Variants in DNER observed in about 807,000 individuals in gnomAD.
The protein encoded by DNER is delta/notch like EGF repeat containing.
A neutral mutation model predicts 78.2 loss-of-function variants in DNER; 33 were observed. The ratio of observed to expected loss-of-function variants is 0.42; its 90% CI spans 0.32 to 0.56. The LOEUF (loss-of-function observed/expected upper bound fraction) is 0.56, where lower values mean the gene tolerates loss of function less well. Ranked by LOEUF, DNER falls within the 20% of genes least tolerant of loss-of-function variation. The pLI is 0.11. For missense variants in DNER, 918 were observed against 975.3 expected, an observed-to-expected ratio of 0.94 and a Z score of 0.78; for synonymous variants, 417 against 384.8, an observed-to-expected ratio of 1.08 and a Z score of -0.98.
intron 7 of DNER, among the ~76,000 whole-genome samples, chr2:229,459,958 C>G (rs1003959810): frequency 2.0e-5 from 3 of 151,666 alleles, no homozygotes; most frequent in Admixed American, 2.0e-4. Flanking sequence ...AAGATCGAGA[C>G]CATCCTGTCT....
rs139205218 is a variant in DNER at position 229,362,860 on chromosome 2, A to G, written c.2102+4013T>C. Among the ~76,000 whole-genome samples the G allele has an allele frequency of 1.9e-3, 284 of 152,348 alleles. 1 individual carries two copies. The highest frequency in any genetic ancestry group is 6.6e-3 in the African/African-American group (273 of 41,572). ...ACAAAAGATACTGTAACCAGTTATA[A>G]GGCAGGTCAAAGAGCCGCTAGTTCA... is the stretch of plus-strand genomic sequence containing the variant. On this transcript the variant is annotated intron_variant, in intron 12 of 12. Coordinates refer to ENST00000341772, the MANE Select transcript of DNER (RefSeq NM_139072.4).
intron 12 of DNER, among the ~76,000 whole-genome samples, chr2:229,364,092 T>C (rs553519956): frequency 1.7e-4 from 26 of 150,318 alleles, no homozygotes; most frequent in African/African-American, 4.2e-4. Context: ...CTCTATCTCT[T>C]GACCTCATTA....
At chr2:229,567,787 C>T (rs1374816581) in intron 4 of DNER, among the ~76,000 whole-genome samples, 1 of 152,212 alleles carries the variant, frequency 6.6e-6, no homozygotes. Flanking sequence ...AAATTAAATT[C>T]TGTAATTCAA....
chr2:229,588,818 A>G (rs1036951580), intron 2 of DNER, among the ~76,000 whole-genome samples: 3 of 152,210 alleles, frequency 2.0e-5, no homozygotes, highest in African/African-American at 7.2e-5. Flanking sequence ...TGACCCCTGC[A>G]CTATGCTTAA....
intron 10 of DNER, among the ~76,000 whole-genome samples, chr2:229,395,067 G>C (rs1693104091): frequency 6.6e-6 from 1 of 152,138 alleles, no homozygotes; most frequent in African/African-American, 2.4e-5. Flanking sequence ...AGAGTTATAA[G>C]CAGACAGATT....
At position 229,592,668 on chromosome 2, in the gene DNER, G is replaced by A. The variant is rs937541212; in HGVS notation, c.277-780C>T. Among the ~76,000 whole-genome samples the A allele has an allele frequency of 5.3e-5, 8 of 151,956 alleles. No homozygotes were observed. The East Asian group carries it at 7.7e-4, about 15-fold the overall frequency. On this transcript the variant is annotated intron_variant, in intron 1 of 12. Transcript: ENST00000341772. ...TCTGTTGACCTCTGAATGGCCATGT[G>A]TTGGTAGTTGCAGACACGCTACAAA...
intron 3 of DNER, chr2:229,586,551 CA>C (rs1369534680): frequency 0.044 from 6,413 of 144,356 alleles, 839 homozygotes; most frequent in African/African-American, 0.18. Flanking sequence ...AAAAAAAAAA[CA>C]CACAAAACCA....
chr2:229,413,315 C>CTTT (rs1369457136), intron 9 of DNER, among the ~76,000 whole-genome samples: 14 of 19,586 alleles, frequency 7.1e-4, no homozygotes, highest in Admixed American at 1.9e-3. Flanking sequence ...TTTTCTTTTT[C>CTTT]TTCTTCTTTT....
chr2:229,584,939 A>C (rs1418136104), intron 4 of DNER, among the ~76,000 whole-genome samples: 1 of 151,878 alleles, frequency 6.6e-6, no homozygotes, highest in Admixed American at 6.6e-5. Flanking sequence ...GAAAACAGTT[A>C]ATTGGACACG....
chr2:229,362,703 G>A (rs953379057), intron 12 of DNER, among the ~76,000 whole-genome samples: 12 of 152,144 alleles, frequency 7.9e-5, no homozygotes, highest in African/African-American at 1.9e-4. Flanking sequence ...TCTGGCCCAC[G>A]GGAAGCTTTC....
At chr2:229,432,034 AT>A (rs1478004860) in intron 8 of DNER, among the ~76,000 whole-genome samples, 1 of 152,200 alleles carries the variant, frequency 6.6e-6, no homozygotes, top group Non-Finnish European at 1.5e-5. Context: ...TATTTAAAAT[AT>A]TTTTAATGCA....
intron 1 of DNER, among the ~76,000 whole-genome samples, chr2:229,639,908 T>G (rs1240524868): frequency 6.6e-6 from 1 of 152,178 alleles, no homozygotes; most frequent in African/African-American, 2.4e-5. Context: ...TAACCCAGAA[T>G]GCAAGCTCTG....
intron 1 of DNER, among the ~76,000 whole-genome samples, chr2:229,615,140 G>A (rs1269935949): frequency 6.6e-6 from 1 of 152,178 alleles, no homozygotes; most frequent in African/African-American, 2.4e-5. Context: ...GGCCGGGCGT[G>A]GTGGCTCATA....
chr2:229,628,409 T>TAAG (rs1698381028), intron 1 of DNER, among the ~76,000 whole-genome samples: 1 of 152,166 alleles, frequency 6.6e-6, no homozygotes, highest in African/African-American at 2.4e-5. Flanking sequence ...TTCAGACAAC[T>TAAG]AAGTTTTGGG....
intron 1 of DNER, among the ~76,000 whole-genome samples, chr2:229,614,516 C>A (rs888683074): frequency 6.6e-6 from 1 of 152,200 alleles, no homozygotes; most frequent in Non-Finnish European, 1.5e-5. Context: ...TCCTTCCCAC[C>A]CTGTTTCTGG....
intron 1 of DNER, among the ~76,000 whole-genome samples, chr2:229,617,903 C>T (rs1698193674): frequency 6.6e-6 from 1 of 152,188 alleles, no homozygotes; most frequent in Non-Finnish European, 1.5e-5. Flanking sequence ...AGTGAGCCAA[C>T]ATCATGTCAC....
chr2:229,388,275 G>T lies in DNER; in HGVS notation c.1845C>A (p.Asn615Lys), dbSNP rs765734328. Residue 615 changes from asparagine (N) to lysine (K), a missense_variant, in exon 11 of 13, where the codon AAC becomes AAA. Transcript: ENST00000341772. ...TGCAGAAATACTTACGGATCTCACA[G>T]TTTGCTCCCACCCAACCATGCGGGC... The part of the protein sequence containing the change: ...CHCPHGWVGA[N>K]CEIHLQWKSG... 6.2e-7 allele frequency: 1 copy of T among 1,607,262 alleles called. No individual in the cohort carries two copies. The highest frequency in any genetic ancestry group is 8.5e-7 in the Non-Finnish European group (1 of 1,176,526).
intron 5 of DNER, among the ~76,000 whole-genome samples, chr2:229,523,437 G>A (rs918274406): frequency 6.6e-5 from 10 of 152,264 alleles, no homozygotes; most frequent in East Asian, 3.9e-4. Context: ...TGGTTTGCCC[G>A]TGGCCATCTC....
At chr2:229,609,857 G>C (rs934228418) in intron 1 of DNER, among the ~76,000 whole-genome samples, 1 of 152,192 alleles carries the variant, frequency 6.6e-6, no homozygotes, top group African/African-American at 2.4e-5. Context: ...AATGAGGCAG[G>C]AGTAATGTCT....
Sources: allele counts gnomAD v4.1 joint callset (sites outside exome capture counted in the v4.1 genomes callset), GRCh38; gene constraint gnomAD v4.1.1; transcripts MANE v1.5; gene names NCBI Gene and HGNC (gene_info 2026-07-23, HGNC 2026-07-21).